NALCN: variants seen among roughly 807,000 people sequenced by gnomAD.
NALCN encodes sodium leak channel NALCN.
In NALCN, 111 loss-of-function variants were observed where a neutral mutation model predicts 225.3. The ratio of observed to expected loss-of-function variants is 0.49; its 90% CI spans 0.42 to 0.58. The LOEUF is 0.58. Among genes scored for constraint, NALCN ranks in the 20% least tolerant of loss-of-function variants. The pLI, the probability that NALCN is intolerant of heterozygous loss-of-function variation, is 0.00. For missense variants in NALCN, 1,378 were observed against 2,202.4 expected, an observed-to-expected ratio of 0.63 and a Z score of 7.49; for synonymous variants, 764 against 769.0, an observed-to-expected ratio of 0.99 and a Z score of 0.11.
intron 30 of NALCN, among the ~76,000 whole-genome samples, chr13:101,088,650 C>T (rs1330508923): frequency 6.6e-6 from 1 of 152,154 alleles, no homozygotes; most frequent in Non-Finnish European, 1.5e-5. Context: ...GCATGCACTT[C>T]CCTTACTATG....
intron 43 of NALCN, chr13:101,057,283 C>T (rs540053743): frequency 6.5e-6 from 1 of 153,036 alleles, no homozygotes; most frequent in East Asian, 1.9e-4. Flanking sequence ...TCCTGGCTTT[C>T]CAAAACCCTA....
Position 101,074,816 on chromosome 13 carries a change from T to G in NALCN, c.3955-154A>C, listed in dbSNP as rs34045536. Among the ~76,000 whole-genome samples, 2,015 of 152,282 alleles carry G rather than the reference T, an allele frequency of 0.013. 26 individuals are homozygous for G. The highest frequency in any genetic ancestry group is 0.018 in the Non-Finnish European group (1,241 of 68,012). ...TAAGCAGATTGGCTCAAAATCACTC[T>G]TAGGTGTATCATTTGAAAGTTGCTT... On this transcript the variant is annotated intron_variant, in intron 35 of 43. Coordinates refer to ENST00000251127, the MANE Select transcript of NALCN (RefSeq NM_052867.4).
chr13:101,193,497 T>C (rs1348576142), intron 13 of NALCN, among the ~76,000 whole-genome samples: 2 of 152,176 alleles, frequency 1.3e-5, no homozygotes, highest in East Asian at 1.9e-4. Flanking sequence ...CACTTATCCT[T>C]TGTCCATGTG....
intron 13 of NALCN, among the ~76,000 whole-genome samples, chr13:101,215,982 C>A (rs1485957458): frequency 1.3e-5 from 2 of 151,992 alleles, no homozygotes; most frequent in Non-Finnish European, 2.9e-5. Context: ...GAATGACAGC[C>A]CATCATATTC....
chr13:101,345,316 T>C lies in NALCN; in HGVS notation c.749A>G (p.Asp250Gly). The C allele has an allele frequency of 6.2e-7, 1 of 1,613,760 alleles. No individual in the cohort carries two copies. Among genetic ancestry groups the C allele is most frequent in the South Asian group, 1.1e-5 (1 of 91,068 alleles). Residue 250 changes from aspartate to glycine, a missense_variant, in exon 7 of 44, where the codon GAT becomes GGT. Asp to Gly is a moderately conservative substitution (Grantham distance 94). Around this residue, in one of 19 missense-constraint regions of NALCN, gnomAD observed 67 missense variants for 82.1 expected, o/e 0.82. Transcript: ENST00000251127. ...CAGCTCTTGCCTGCTAAGTCCCAGATCTTCAAGGTCCATGCATTTAAATCC... is the reference window on the plus strand; with the variant it reads ...CAGCTCTTGCCTGCTAAGTCCCAGACCTTCAAGGTCCATGCATTTAAATCC... The part of the protein sequence containing the change: ...PPGFKCMDLE[D>G]LGLSRQELGY...
intron 13 of NALCN, among the ~76,000 whole-genome samples, chr13:101,208,381 TTA>T (rs2140066235): frequency 6.6e-6 from 1 of 152,286 alleles, no homozygotes; most frequent in South Asian, 2.1e-4. Flanking sequence ...CACACCATCT[TTA>T]AGAACTGTAA....
chr13:101,185,990 G>T (rs1227226352), intron 14 of NALCN, among the ~76,000 whole-genome samples: 2 of 152,186 alleles, frequency 1.3e-5, no homozygotes, highest in African/African-American at 4.8e-5. Context: ...TTTAAGGTAA[G>T]TTCAGCTCTG....
intron 9 of NALCN, among the ~76,000 whole-genome samples, chr13:101,284,220 G>T (rs750501147): frequency 3.3e-5 from 5 of 152,168 alleles, no homozygotes; most frequent in Admixed American, 1.3e-4. Context: ...AATAACTTGA[G>T]TTTATTGACT....
In NALCN at chr13:101,292,160, C is replaced by G. The variant is rs2043579050; in HGVS notation, c.942+64G>C. ...TGACAAAGCAGAGGGCAACCAAAAC[C>G]AAACAAAAGATCTGCAGAACTATCA... On this transcript the variant is annotated intron_variant, in intron 8 of 43. Coordinates refer to ENST00000251127, the MANE Select transcript of NALCN (RefSeq NM_052867.4). The surrounding 1 kb of genome is among the most constrained non-coding windows in gnomAD (Gnocchi z 4.3). The G allele has an allele frequency of 6.2e-7, 1 of 1,611,950 alleles. No homozygotes were observed. The highest frequency in any genetic ancestry group is 8.5e-7 in the Non-Finnish European group (1 of 1,178,872).
chr13:101,360,148 T>C (rs553513899), intron 6 of NALCN, among the ~76,000 whole-genome samples: 7 of 149,120 alleles, frequency 4.7e-5, no homozygotes, highest in South Asian at 2.1e-4. Flanking sequence ...TTCTCTCTTT[T>C]TTTCTTTCTT....
chr13:101,164,223 C>T (rs1383581149), intron 15 of NALCN, among the ~76,000 whole-genome samples: 2 of 152,104 alleles, frequency 1.3e-5, no homozygotes. Context: ...CTGTTTTGAA[C>T]TGACTTTTTG....
intron 13 of NALCN, among the ~76,000 whole-genome samples, chr13:101,222,673 A>C (rs60105642): frequency 0.01 from 1,548 of 152,306 alleles, 28 homozygotes; most frequent in African/African-American, 0.036. Flanking sequence ...AAGCAGAATT[A>C]GTTGCCCTAA....
At chr13:101,391,128 A>G (rs1398769321) in intron 3 of NALCN, among the ~76,000 whole-genome samples, 1 of 152,194 alleles carries the variant, frequency 6.6e-6, no homozygotes, top group Non-Finnish European at 1.5e-5. Context: ...CTTTTTAAAA[A>G]AAATCAACAA....
At chr13:101,370,641 T>A (rs1302713148) in intron 6 of NALCN, among the ~76,000 whole-genome samples, 1 of 152,168 alleles carries the variant, frequency 6.6e-6, no homozygotes, top group African/African-American at 2.4e-5. Flanking sequence ...AATTAGTGAA[T>A]GAGACAGGTG....
chr13:101,104,308 A>G lies in NALCN; in HGVS notation c.2876T>C (p.Ile959Thr), dbSNP rs775514627. 10 of 1,604,054 alleles carry G rather than the reference A, an allele frequency of 6.2e-6. No individual in the cohort carries two copies. The highest frequency in any genetic ancestry group is 6.8e-6 in the Non-Finnish European group (8 of 1,177,208). Residue 959 changes from isoleucine to threonine, a missense_variant, in exon 25 of 44, where the codon ATA becomes ACA. Physicochemically the swap from Ile to Thr is moderately conservative, Grantham distance 89. Transcript: ENST00000251127. This position sits in a 1 kb window ranked among gnomAD's most constrained non-coding sequence, Gnocchi z 4.2. ...GCAAAGACTTACAAGATATATAAAT[A>G]TGTCCATTACTCCACCGAAGTCCCT... ...VIRDFGGVMD[I>T]FIYLVSLIFL...
intron 14 of NALCN, among the ~76,000 whole-genome samples, chr13:101,176,608 T>C (rs1452746576): frequency 6.6e-6 from 1 of 152,196 alleles, no homozygotes; most frequent in East Asian, 1.9e-4. Context: ...ACCAACTTAC[T>C]TAAAAAGGAA....
chr13:101,410,438 A>C (rs1466092745), intron 1 of NALCN, among the ~76,000 whole-genome samples: 1 of 152,202 alleles, frequency 6.6e-6, no homozygotes, highest in Non-Finnish European at 1.5e-5. Context: ...CTGAGACAAA[A>C]ATTTTGATTT....
Position 101,283,942 on chromosome 13 carries a change from G to T in NALCN, c.1125C>A (p.Ala375=). ...TGTCATTGTACTGCACCTGGAGGCA[G>T]GCTGGGGCGCGTCCCTGGGGCTTGT... is the stretch of plus-strand genomic sequence containing the variant. The part of the protein sequence containing the change: ...DVNKPQGRAP[A]CLQKMMRSSV... The change falls in exon 10 of 44, where the codon GCC becomes GCA. Residue 375 remains alanine (A), a synonymous_variant. Transcript: ENST00000251127. 6.2e-7 allele frequency: 1 copy of T among 1,612,556 alleles called. No homozygotes were observed. Among genetic ancestry groups the T allele is most frequent in the South Asian group, 1.1e-5 (1 of 90,758 alleles).
intron 28 of NALCN, among the ~76,000 whole-genome samples, chr13:101,090,547 G>A (rs2034178860): frequency 1.3e-5 from 2 of 152,164 alleles, no homozygotes; most frequent in South Asian, 4.2e-4. Context: ...ACGGCAAGAG[G>A]TGTTTGCTTG....
Sources: gnomAD v4.1 joint callset for allele counts (sites outside exome capture counted in the v4.1 genomes callset) on GRCh38, gnomAD v4.1.1 for gene constraint, gnomAD v4.1.1 regional missense constraint, Gnocchi (gnomAD v3.1) non-coding constraint, MANE v1.5 for transcripts, NCBI Gene and HGNC (gene_info 2026-07-23, HGNC 2026-07-21) for gene names.